MFAP2: variants seen among roughly 807,000 people sequenced by gnomAD.
MFAP2 encodes microfibril associated protein 2, also known as microfibrillar-associated protein 2.
MFAP2 carries 23 observed loss-of-function variants against 30.6 expected under a neutral mutation model. The ratio of observed to expected loss-of-function variants is 0.75; its 90% CI spans 0.54 to 1.07. The LOEUF (loss-of-function observed/expected upper bound fraction) is 1.07. MFAP2 is among the 50% of genes least tolerant of loss of function. The pLI, the probability that MFAP2 is intolerant of heterozygous loss-of-function variation, is 0.00. For synonymous variants in MFAP2, 73 were observed against 85.7 expected (o/e 0.85, Z 0.82); for missense variants, 198 against 223.8 (o/e 0.88, Z 0.74).
rs2076582176 is a variant in MFAP2 at position 16,975,439 on chromosome 1, TGGCAC to T, written c.375-102_375-98del. On this transcript the variant is annotated intron_variant, in intron 7 of 8. Coordinates refer to ENST00000375535, the MANE Select transcript of MFAP2 (RefSeq NM_002403.4). This position sits in a 1 kb window ranked among gnomAD's most constrained non-coding sequence, Gnocchi z 5.0. ...CTGGCACGGGAGCCCGGACAGAACC[TGGCAC>T]GGGAGCCCGGACAGAACCTGGCACT... 3.8e-6 allele frequency: 5 copies of T among 1,327,280 alleles called. No homozygotes were observed. The highest frequency in any genetic ancestry group is 4.2e-6 in the Non-Finnish European group (4 of 944,792). 82.2% of individuals were successfully genotyped at this position (1,327,280 alleles called of 1,614,324 possible).
At position 16,976,444 on chromosome 1, in the gene MFAP2, C is replaced by T. The variant is rs1364788705; in HGVS notation, c.286+57G>A. 3 of 1,610,276 alleles carry T rather than the reference C, an allele frequency of 1.9e-6. No homozygotes were observed. The highest frequency in any genetic ancestry group is 1.7e-6 in the Non-Finnish European group (2 of 1,176,458). ...TCCAGCCCACCAGCACCACCCCCTA[C>T]TCCACCCCAACTTCAGGGCGTGCCT... On this transcript the variant is annotated intron_variant, in intron 6 of 8. Transcript: ENST00000375535. This position sits in a 1 kb window ranked among gnomAD's most constrained non-coding sequence, Gnocchi z 5.5.
chr1:16,975,723 A>G lies in MFAP2; in HGVS notation c.294T>C (p.Arg98=). The change falls in exon 7 of 9, where the codon CGT becomes CGC. Residue 98 remains arginine (R), a synonymous_variant. Transcript: ENST00000375535. The surrounding 1 kb of genome is among the most constrained non-coding windows in gnomAD (Gnocchi z 5.0). The part of the protein sequence containing the change: ...EPTEPGPLDC[R]EEQYPCTRLY... ...GGCGGGTGCACGGGTACTGTTCCTC[A>G]CGGCAGTCTGGTGACAGGTGGGGTC... The G allele has an allele frequency of 1.9e-6, 3 of 1,612,896 alleles. No homozygotes were observed. Among genetic ancestry groups the G allele is most frequent in the Non-Finnish European group, 2.5e-6 (3 of 1,179,500 alleles).
chr1:16,980,768 CTG>C (rs760618983), upstream of MFAP2: 1 of 58,058 alleles, frequency 1.7e-5, no homozygotes, highest in Non-Finnish European at 4.6e-5. Context: ...GTTCCATCTC[CTG>C]GGGGGGGGGG....
At position 16,976,868 on chromosome 1, in the gene MFAP2, C is replaced by G; in HGVS notation, c.154+29G>C. 1 of 1,614,092 alleles carries G rather than the reference C, an allele frequency of 6.2e-7. No individual in the cohort carries two copies. Among genetic ancestry groups the G allele is most frequent in the Non-Finnish European group, 8.5e-7 (1 of 1,179,974 alleles). ...GGGGTCTCCCCACCCCAGCTGCCGG[C>G]CCGTCCTATCCTACCCCTAGCCCGT... On this transcript the variant is annotated intron_variant, in intron 4 of 8. Coordinates refer to ENST00000375535, the MANE Select transcript of MFAP2 (RefSeq NM_002403.4). The surrounding 1 kb of genome is among the most constrained non-coding windows in gnomAD (Gnocchi z 5.5).
rs1468382827 is a variant in MFAP2 at position 16,976,045 on chromosome 1, TAGG to T, written c.287-318_287-316del. On this transcript the variant is annotated intron_variant, in intron 6 of 8. Coordinates refer to ENST00000375535, the MANE Select transcript of MFAP2 (RefSeq NM_002403.4). The surrounding 1 kb of genome is among the most constrained non-coding windows in gnomAD (Gnocchi z 5.5). ...GTGCCCACGCTCACAGAAGCCCACATAGGAGCGCTCACACCAACCCACACGAGA... is the reference window on the plus strand; with the variant it reads ...GTGCCCACGCTCACAGAAGCCCACATAGCGCTCACACCAACCCACACGAGA... The T allele has an allele frequency of 9.3e-5, 43 of 464,110 alleles. No homozygotes were observed. Among genetic ancestry groups the T allele is most frequent in the Non-Finnish European group, 1.4e-4 (37 of 255,350 alleles). 28.7% of individuals were successfully genotyped at this position (464,110 alleles called of 1,614,324 possible).
intron 2 of MFAP2, 80 bp from the exon 3 acceptor site, chr1:16,977,278 G>C: frequency 7.2e-7 from 1 of 1,381,520 alleles, no homozygotes; most frequent in Non-Finnish European, 1.0e-6. Flanking sequence ...AGTGGAGGCG[G>C]GGGTCACAAG....
Position 16,975,738 on chromosome 1 carries a change from CAGGT to C in MFAP2, c.287-12_287-9del, listed in dbSNP as rs1434582793. 2 of 1,612,426 alleles carry C rather than the reference CAGGT, an allele frequency of 1.2e-6. No individual in the cohort carries two copies. Among genetic ancestry groups the C allele is most frequent in the Non-Finnish European group, 1.7e-6 (2 of 1,179,204 alleles). On this transcript the variant is annotated splice_polypyrimidine_tract_variant and intron_variant, in intron 6 of 8. Transcript: ENST00000375535. This position sits in a 1 kb window ranked among gnomAD's most constrained non-coding sequence, Gnocchi z 5.0. ...ACTGTTCCTCACGGCAGTCTGGTGA[CAGGT>C]GGGGTCAGACTAGGAGCCCAGAGTG...
At chr1:16,978,412 C>T in intron 1 of MFAP2, 98 bp from the exon 2 acceptor site, 1 of 1,025,672 alleles carries the variant, frequency 9.7e-7, no homozygotes, top group Non-Finnish European at 1.4e-6. Flanking sequence ...AAGGTGGCAC[C>T]CAGAATAGAA....
Position 16,977,110 on chromosome 1 carries a change from G to A in MFAP2, c.126C>T (p.Ile42=), listed in dbSNP as rs751727011. The change falls in exon 3 of 9, where the codon ATC becomes ATT. Residue 42 remains isoleucine, a splice_region_variant and synonymous_variant. Transcript: ENST00000375535. ...TCGGTGACCCGGCAAGGCCCTTACC[G>A]ATCTGGTCGCTATAGTGGGTGTACT... The part of the protein sequence containing the change: ...HVQYTHYSDQ[I]DNPDYYDYQE... The A allele has an allele frequency of 5.6e-6, 9 of 1,613,818 alleles. No individual in the cohort carries two copies. In the Admixed American group the frequency reaches 8.3e-5, roughly 15 times the overall value.
Position 16,977,092 on chromosome 1 carries a change from C to A in MFAP2, c.127+17G>T. 6.2e-7 allele frequency: 1 copy of A among 1,613,750 alleles called. No individual in the cohort carries two copies. Among genetic ancestry groups the A allele is most frequent in the Non-Finnish European group, 8.5e-7 (1 of 1,179,884 alleles). The stretch of plus-strand genomic sequence containing the variant: ...CATCTGAGCAGCCAGGCCTCGGTGA[C>A]CCGGCAAGGCCCTTACCGATCTGGT... On this transcript the variant is annotated intron_variant, in intron 3 of 8. Transcript: ENST00000375535.
At chr1:16,977,304 G>A (rs2076601845) in intron 2 of MFAP2, 106 bp from the exon 3 acceptor site, 5 of 990,458 alleles carry the variant, frequency 5.0e-6, no homozygotes, top group Non-Finnish European at 7.5e-6. Context: ...GCCCATAAGA[G>A]CCTAGGACCC....
chr1:16,976,841 A>G lies in MFAP2; in HGVS notation c.155-47T>C, dbSNP rs1179383714. On this transcript the variant is annotated intron_variant, in intron 4 of 8. Transcript: ENST00000375535. This position sits in a 1 kb window ranked among gnomAD's most constrained non-coding sequence, Gnocchi z 5.5. ...GGGGTCTGCTCCCTCTACCCCTCCC[A>G]GGGGGTCTCCCCACCCCAGCTGCCG... is the stretch of plus-strand genomic sequence containing the variant. 2 of 1,613,896 alleles carry G rather than the reference A, an allele frequency of 1.2e-6. No individual in the cohort carries two copies. The highest frequency in any genetic ancestry group is 1.7e-5 in the Admixed American group (1 of 60,004).
At chr1:16,977,340 G>C (rs2076602082) in intron 2 of MFAP2, 142 bp from the exon 3 acceptor site, 1 of 750,724 alleles carries the variant, frequency 1.3e-6, no homozygotes, top group South Asian at 1.8e-5. Flanking sequence ...AGAGGATCCA[G>C]ACTCTTCTTC....
rs1473840312 is a variant in MFAP2 at position 16,974,945 on chromosome 1, C to T, written c.527G>A (p.Cys176Tyr). Residue 176 changes from cysteine to tyrosine, a missense_variant, in exon 9 of 9, where the codon TGT (cysteine) becomes TAT (tyrosine). Cys to Tyr is a radical substitution (Grantham distance 194). Coordinates refer to ENST00000375535, the MANE Select transcript of MFAP2 (RefSeq NM_002403.4). ...SGLCQSVAAS[C>Y]ARSCGSC is the part of the protein sequence containing the mutation. ...CTAGCAGCTCCCACAGCTCCTGGCA[C>T]AGGAGGCCGCCACGGATTGGCACAG... 1 of 952,314 alleles carries T rather than the reference C, an allele frequency of 1.1e-6. No homozygotes were observed. The highest frequency in any genetic ancestry group is 1.4e-5 in the South Asian group (1 of 69,690). The allele number at this position is 952,314 out of a possible 1,614,324, so 59.0% of individuals were successfully genotyped here.
rs1234144699 is a variant in MFAP2, at chr1:16,974,956, C to A, written c.516G>T (p.Val172=). 1 of 1,025,482 alleles carries A rather than the reference C, an allele frequency of 9.8e-7. No individual in the cohort carries two copies. Among genetic ancestry groups the A allele is most frequent in the Middle Eastern group, 2.5e-4 (1 of 3,992 alleles). 63.5% of individuals were successfully genotyped at this position (1,025,482 alleles called of 1,614,324 possible). A position where few individuals can be genotyped will look rare whatever the true frequency, so the allele number is the denominator to read the frequency against. The change falls in exon 9 of 9, where the codon GTG becomes GTT. Residue 172 remains valine, a synonymous_variant. Coordinates refer to ENST00000375535, the MANE Select transcript of MFAP2 (RefSeq NM_002403.4). The part of the protein sequence containing the change: ...VMASSGLCQS[V]AASCARSCGS... ...CACAGCTCCTGGCACAGGAGGCCGCCACGGATTGGCACAGGCCGCTGCTGG... is the reference window on the plus strand; with the variant it reads ...CACAGCTCCTGGCACAGGAGGCCGCAACGGATTGGCACAGGCCGCTGCTGG...
At chr1:16,978,407 G>T in intron 1 of MFAP2, 93 bp from the exon 2 acceptor site, 1 of 1,087,056 alleles carries the variant, frequency 9.2e-7, no homozygotes, top group South Asian at 1.5e-5. Context: ...TGGAGAAGGT[G>T]GCACCCAGAA....
In MFAP2 at chr1:16,976,876, A is replaced by G; in HGVS notation, c.154+21T>C. ...CCCACCCCAGCTGCCGGCCCGTCCT[A>G]TCCTACCCCTAGCCCGTTACCTTGA... On this transcript the variant is annotated intron_variant, in intron 4 of 8. Transcript: ENST00000375535. The surrounding 1 kb of genome is among the most constrained non-coding windows in gnomAD (Gnocchi z 5.5). 1 of 1,613,966 alleles carries G rather than the reference A, an allele frequency of 6.2e-7. No homozygotes were observed. The highest frequency in any genetic ancestry group is 1.3e-5 in the African/African-American group (1 of 74,980).
chr1:16,980,229 T>C (rs1393117975), intron 1 of MFAP2, among the ~76,000 whole-genome samples: 1 of 151,320 alleles, frequency 6.6e-6, no homozygotes, highest in Non-Finnish European at 1.5e-5. Flanking sequence ...TGATCTCTCT[T>C]TGTCTCTCTG....
chr1:16,975,324 G>A lies in MFAP2; in HGVS notation c.393C>T (p.Val131=), dbSNP rs2076579517. ...TACGAACACAGATCTCCTTGTTAAT[G>A]ACGTACACACGGCGGAGGCTGCGGG... is the stretch of plus-strand genomic sequence containing the variant. ...VCFYSLRRVY[V]INKEICVRTV... is the part of the protein sequence containing the mutation. The change falls in exon 8 of 9, where the codon GTC becomes GTT. Residue 131 remains valine (V), a synonymous_variant. Transcript: ENST00000375535. The surrounding 1 kb of genome is among the most constrained non-coding windows in gnomAD (Gnocchi z 5.0). 1 of 1,614,000 alleles carries A rather than the reference G, an allele frequency of 6.2e-7. No individual in the cohort carries two copies. The highest frequency in any genetic ancestry group is 8.5e-7 in the Non-Finnish European group (1 of 1,179,948).
Sources: allele counts gnomAD v4.1 joint callset (sites outside exome capture counted in the v4.1 genomes callset), GRCh38; gene constraint gnomAD v4.1.1; non-coding constraint Gnocchi (gnomAD v3.1); transcripts MANE v1.5; gene names NCBI Gene and HGNC (gene_info 2026-07-23, HGNC 2026-07-21).